Variants in CASQ2 observed in about 807,000 individuals in gnomAD.
CASQ2 encodes the protein calsequestrin-2.
CASQ2 carries 49 observed loss-of-function variants against 46.5 expected under a neutral mutation model. The ratio of observed to expected loss-of-function variants is 1.05; its 90% CI spans 0.84 to 1.34. The LOEUF (loss-of-function observed/expected upper bound fraction) is 1.34. CASQ2 is among the 40% of genes most tolerant of loss of function. The pLI is 0.00. For synonymous variants in CASQ2, 174 were observed against 168.5 expected, an observed-to-expected ratio of 1.03 and a Z score of -0.25; for missense variants, 486 against 481.3, an observed-to-expected ratio of 1.01 and a Z score of -0.09.
intron 4 of CASQ2, among the ~76,000 whole-genome samples, chr1:115,734,639 C>T (rs1647896170): frequency 6.6e-6 from 1 of 152,162 alleles, no homozygotes; most frequent in Non-Finnish European, 1.5e-5. Flanking sequence ...TCCAGTCAGA[C>T]CCCTTTCCCA....
intron 8 of CASQ2, among the ~76,000 whole-genome samples, chr1:115,712,669 A>G (rs1190897142): frequency 6.6e-6 from 1 of 152,092 alleles, no homozygotes; most frequent in Admixed American, 6.5e-5. Flanking sequence ...TCACACCCAT[A>G]ATCCCAGCAC....
At chr1:115,706,462 C>A (rs1654366572) in intron 8 of CASQ2, among the ~76,000 whole-genome samples, 1 of 152,114 alleles carries the variant, frequency 6.6e-6, no homozygotes, top group Non-Finnish European at 1.5e-5. Context: ...TGACCCATAC[C>A]AGATGTGCAC....
At chr1:115,705,410 T>G in intron 8 of CASQ2, 118 bp from the exon 9 acceptor site, 1 of 719,174 alleles carries the variant, frequency 1.4e-6, no homozygotes, top group Non-Finnish European at 2.6e-6. Context: ...CACCCTCAAT[T>G]ATAGGATTAT....
At chr1:115,754,111 G>A (rs751508966) in intron 1 of CASQ2, among the ~76,000 whole-genome samples, 5 of 152,272 alleles carry the variant, frequency 3.3e-5, no homozygotes, top group African/African-American at 4.8e-5. Flanking sequence ...GAGAGCCGAC[G>A]TTTCTCTCCG....
chr1:115,768,384 C>A lies in CASQ2; in HGVS notation c.158G>T (p.Cys53Phe), dbSNP rs151168851. The A allele has an allele frequency of 3.1e-5, 50 of 1,613,878 alleles. No individual in the cohort carries two copies. The highest frequency in any genetic ancestry group is 4.2e-5 in the Non-Finnish European group (50 of 1,179,922). Residue 53 changes from cysteine to phenylalanine, a missense_variant, in exon 1 of 11, where the codon TGC becomes TTC. Coordinates refer to ENST00000261448, the MANE Select transcript of CASQ2 (RefSeq NM_001232.4). ...AGACACCGGCTCATGGTAGTAGAGGCAAAGCAAGTCATATTTCTTTAAAAC... is the reference window on the plus strand; with the variant it reads ...AGACACCGGCTCATGGTAGTAGAGGAAAAGCAAGTCATATTTCTTTAAAAC... ...KQVLKKYDLL[C>F]LYYHEPVSSD...
chr1:115,744,293 G>A (rs924510414), intron 2 of CASQ2, among the ~76,000 whole-genome samples: 5 of 152,108 alleles, frequency 3.3e-5, no homozygotes, highest in African/African-American at 4.8e-5. Flanking sequence ...TTCCATGTGC[G>A]GTCACTTAAC....
intron 8 of CASQ2, among the ~76,000 whole-genome samples, chr1:115,716,976 TG>T (rs1292235868): frequency 6.6e-6 from 1 of 151,892 alleles, no homozygotes; most frequent in East Asian, 1.9e-4. Flanking sequence ...ATCGTGGGGG[TG>T]GTTTCTTATG....
At position 115,717,727 on chromosome 1, in the gene CASQ2, A is replaced by G. The variant is rs989644589; in HGVS notation, c.838+113T>C. The stretch of plus-strand genomic sequence containing the variant: ...GGGCGACCACCAGGGGGTGCCCAAT[A>G]TCTTGCAGTTGCATTGTGGATGGGA... On this transcript the variant is annotated intron_variant, in intron 8 of 10. Coordinates refer to ENST00000261448, the MANE Select transcript of CASQ2 (RefSeq NM_001232.4). The G allele has an allele frequency of 3.1e-5, 26 of 844,274 alleles. 1 individual carries two copies. The South Asian group carries it at 3.4e-4, about 11-fold the overall frequency. 52.3% of individuals were successfully genotyped at this position (844,274 alleles called of 1,614,324 possible).
intron 2 of CASQ2, among the ~76,000 whole-genome samples, chr1:115,743,909 G>A (rs1460430568): frequency 6.6e-6 from 1 of 151,920 alleles, no homozygotes; most frequent in East Asian, 1.9e-4. Flanking sequence ...GGCTGAGGCA[G>A]GCAGATCATT....
At position 115,734,135 on chromosome 1, in the gene CASQ2, C is replaced by T. The variant is rs150722168; in HGVS notation, c.533-1161G>A. Among the ~76,000 whole-genome samples the T allele has an allele frequency of 4.4e-3, 676 of 152,264 alleles. 3 individuals carry two copies. The highest frequency in any genetic ancestry group is 0.021 in the South Asian group (101 of 4,822). On this transcript the variant is annotated intron_variant, in intron 4 of 10. Coordinates refer to ENST00000261448, the MANE Select transcript of CASQ2 (RefSeq NM_001232.4). Reference sequence around the variant, plus strand: ...ACTAACTTGTCCTCATAAAAGTAAGCAGGTAGTCAGAAAAGATATCCTGTA... The same window carrying T: ...ACTAACTTGTCCTCATAAAAGTAAGTAGGTAGTCAGAAAAGATATCCTGTA...
chr1:115,759,182 T>C (rs1410553800), intron 1 of CASQ2, among the ~76,000 whole-genome samples: 1 of 152,216 alleles, frequency 6.6e-6, no homozygotes, highest in Admixed American at 6.5e-5. Flanking sequence ...GTAAGTGCTA[T>C]GATTTGGGTG....
chr1:115,710,921 T>C (rs188978604), intron 8 of CASQ2, among the ~76,000 whole-genome samples: 5 of 152,268 alleles, frequency 3.3e-5, no homozygotes, highest in Admixed American at 2.6e-4. Flanking sequence ...TATCCTCTTC[T>C]GTTTCCCTGG....
At chr1:115,706,736 C>T (rs1410343154) in intron 8 of CASQ2, among the ~76,000 whole-genome samples, 1 of 152,132 alleles carries the variant, frequency 6.6e-6, no homozygotes, top group African/African-American at 2.4e-5. Flanking sequence ...AGTTTTTCTT[C>T]TTTTGTCTGG....
Position 115,755,725 on chromosome 1 carries a change from A to G in CASQ2, c.235-10813T>C, listed in dbSNP as rs181943151. On this transcript the variant is annotated intron_variant, in intron 1 of 10. Coordinates refer to ENST00000261448, the MANE Select transcript of CASQ2 (RefSeq NM_001232.4). ...ACAATGATTTCAGGAGCAGCCCTTC[A>G]CTCAGCACCAAGCGTGTGCCCATCA... Among the ~76,000 whole-genome samples, 6 of 152,290 alleles carry G rather than the reference A, an allele frequency of 3.9e-5. No homozygotes were observed. The East Asian group carries it at 9.7e-4, about 25-fold the overall frequency.
chr1:115,729,047 T>C lies in CASQ2; in HGVS notation c.607-1925A>G, dbSNP rs537421417. On this transcript the variant is annotated intron_variant, in intron 5 of 10. Transcript: ENST00000261448. ...CCTCTCTTTCATTCTTTTTTTTTTT[T>C]TTTTTTTTTTTTTTTTGGTGAGACA... 6.7e-3 allele frequency among the ~76,000 whole-genome samples: 952 copies of C among 141,062 alleles called. 3 individuals carry two copies. The highest frequency in any genetic ancestry group is 0.012 in the Non-Finnish European group (774 of 64,896). 92.5% of individuals were successfully genotyped at this position (141,062 alleles called of 152,430 possible).
chr1:115,752,596 A>G (rs1017204397), intron 1 of CASQ2, among the ~76,000 whole-genome samples: 8 of 152,108 alleles, frequency 5.3e-5, no homozygotes, highest in Non-Finnish European at 1.0e-4. Flanking sequence ...GCAGGTGGGA[A>G]TGTGCAGGGG....
intron 7 of CASQ2, among the ~76,000 whole-genome samples, chr1:115,721,558 A>T (rs559448122): frequency 2.6e-5 from 4 of 152,046 alleles, no homozygotes; most frequent in Non-Finnish European, 5.9e-5. Flanking sequence ...GGGGAAGTGG[A>T]TGTTGAAGAT....
chr1:115,718,920 C>T (rs1187859738), intron 7 of CASQ2, among the ~76,000 whole-genome samples: 2 of 152,122 alleles, frequency 1.3e-5, no homozygotes, highest in African/African-American at 4.8e-5. Flanking sequence ...GAAAGAGGCA[C>T]CTGGGGACAA....
intron 1 of CASQ2, among the ~76,000 whole-genome samples, chr1:115,746,020 G>A (rs369335755): frequency 1.3e-5 from 2 of 152,162 alleles, no homozygotes; most frequent in African/African-American, 4.8e-5. Context: ...CCACTAATTT[G>A]TTGTCCATTC....
Sources: allele counts gnomAD v4.1 joint callset (sites outside exome capture counted in the v4.1 genomes callset), GRCh38; gene constraint gnomAD v4.1.1; transcripts MANE v1.5; gene names NCBI Gene and HGNC (gene_info 2026-07-23, HGNC 2026-07-21).